FREM2: variants seen among roughly 807,000 people sequenced by gnomAD.
FREM2 encodes the protein FRAS1 related extracellular matrix 2.
A neutral mutation model predicts 219.9 loss-of-function variants in FREM2; 119 were observed. That is an observed-to-expected ratio of 0.54 (90% CI 0.47 to 0.63). The LOEUF (loss-of-function observed/expected upper bound fraction) is 0.63. Ranked by LOEUF, FREM2 falls within the 30% of genes least tolerant of loss-of-function variation. FREM2 has a pLI of 0.00. For missense variants in FREM2, 4,030 were observed against 3,993.6 expected (o/e 1.01, Z -0.25); for synonymous variants, 1,562 against 1,522.8 (o/e 1.03, Z -0.60).
chr13:38,874,318 A>G lies in FREM2; in HGVS notation c.8177-164A>G, dbSNP rs9548518. Among the ~76,000 whole-genome samples the G allele has an allele frequency of 0.32, 49,150 of 152,106 alleles. 8,754 individuals carry two copies. The highest frequency in any genetic ancestry group is 0.46 in the East Asian group (2,369 of 5,154). On this transcript the variant is annotated intron_variant, in intron 17 of 23. Transcript: ENST00000280481. ...GGCTCCCTTTTCTGCTTAGAAAAGA[A>G]AATGAAGATACTTCTGCCTCTGTTA...
rs926423660 is a variant in FREM2, at chr13:38,691,572, T to C, written c.4228T>C (p.Phe1410Leu). Residue 1410 changes from phenylalanine (F) to leucine (L), a missense_variant, in exon 1 of 24, where the codon TTT becomes CTT. This residue lies in a region of FREM2 where 3,102 missense variants were observed against 2,950.7 expected (regional missense o/e 1.05). Transcript: ENST00000280481. The part of the protein sequence containing the change: ...DGINPLIDRY[F>L]YVSIGSIDIV... ...AATAAATCCCCTCATAGATCGTTAC[T>C]TTTATGTGTCCATCGGGAGCATTGA... The C allele has an allele frequency of 1.2e-6, 2 of 1,614,172 alleles. No individual in the cohort carries two copies. Among genetic ancestry groups the C allele is most frequent in the Non-Finnish European group, 1.7e-6 (2 of 1,180,034 alleles).
At chr13:38,724,786 G>T (rs1209029095) in intron 2 of FREM2, among the ~76,000 whole-genome samples, 1 of 152,132 alleles carries the variant, frequency 6.6e-6, no homozygotes, top group African/African-American at 2.4e-5. Context: ...CAGCACACTA[G>T]CCCCCTATCA....
At chr13:38,721,484 T>C (rs1424978894) in intron 2 of FREM2, among the ~76,000 whole-genome samples, 1 of 152,040 alleles carries the variant, frequency 6.6e-6, no homozygotes, top group Non-Finnish European at 1.5e-5. Flanking sequence ...CTGCAGTCAG[T>C]GAGTGCATTT....
chr13:38,715,041 G>A (rs937475492), intron 2 of FREM2, among the ~76,000 whole-genome samples: 2 of 152,134 alleles, frequency 1.3e-5, no homozygotes, highest in South Asian at 4.2e-4. Flanking sequence ...ACAGTGAGCC[G>A]AGATCGTGCC....
At chr13:38,870,125 C>A (rs768730073) in intron 16 of FREM2, among the ~76,000 whole-genome samples, 3 of 152,084 alleles carry the variant, frequency 2.0e-5, no homozygotes, top group Non-Finnish European at 4.4e-5. Flanking sequence ...AATTATGCCT[C>A]TTTTTTACTA....
intron 2 of FREM2, among the ~76,000 whole-genome samples, chr13:38,730,458 T>C (rs960081103): frequency 6.6e-6 from 1 of 152,240 alleles, no homozygotes; most frequent in Non-Finnish European, 1.5e-5. Context: ...ACATGCTTGA[T>C]AGAGGGAGCC....
intron 2 of FREM2, among the ~76,000 whole-genome samples, chr13:38,742,284 C>T (rs1416816940): frequency 6.6e-6 from 1 of 152,128 alleles, no homozygotes; most frequent in Non-Finnish European, 1.5e-5. Flanking sequence ...AATATTGCTG[C>T]TGTATTTTGT....
intron 2 of FREM2, among the ~76,000 whole-genome samples, chr13:38,728,340 C>T (rs1593369666): frequency 6.6e-6 from 1 of 152,108 alleles, no homozygotes; most frequent in South Asian, 2.1e-4. Flanking sequence ...TTGTTGTTCT[C>T]CATTTGAGTT....
intron 2 of FREM2, among the ~76,000 whole-genome samples, chr13:38,710,142 C>T (rs1039513171): frequency 2.6e-5 from 4 of 151,934 alleles, no homozygotes; most frequent in Middle Eastern, 3.4e-3. Flanking sequence ...CGAGATTGCG[C>T]GACTGCACTC....
chr13:38,827,187 G>A (rs1411789956), intron 6 of FREM2, among the ~76,000 whole-genome samples: 1 of 152,014 alleles, frequency 6.6e-6, no homozygotes, highest in Non-Finnish European at 1.5e-5. Flanking sequence ...CATTCTAGTT[G>A]TGTGGCGTTG....
intron 6 of FREM2, among the ~76,000 whole-genome samples, chr13:38,796,196 G>T (rs1593412941): frequency 6.6e-6 from 1 of 152,102 alleles, no homozygotes; most frequent in Non-Finnish European, 1.5e-5. Context: ...AGCCATCACT[G>T]TTGGAGCTGG....
chr13:38,786,202 A>G (rs1470649555), intron 6 of FREM2, among the ~76,000 whole-genome samples: 7 of 152,078 alleles, frequency 4.6e-5, no homozygotes, highest in Admixed American at 2.6e-4. Flanking sequence ...ATCTTCCCCC[A>G]TATCCCCCAT....
At chr13:38,798,378 A>C (rs1367533142) in intron 6 of FREM2, among the ~76,000 whole-genome samples, 1 of 151,828 alleles carries the variant, frequency 6.6e-6, no homozygotes, top group African/African-American at 2.4e-5. Context: ...TGCTAGTATG[A>C]GAATTTTTGC....
At chr13:38,834,003 A>C (rs1876611272) in intron 6 of FREM2, among the ~76,000 whole-genome samples, 2 of 152,142 alleles carry the variant, frequency 1.3e-5, no homozygotes, top group Non-Finnish European at 2.9e-5. Flanking sequence ...AGCTACCAAA[A>C]AGAAATGGCA....
At chr13:38,858,184 C>A in intron 13 of FREM2, 151 bp downstream of exon 13, 1 of 703,706 alleles carries the variant, frequency 1.4e-6, no homozygotes, top group South Asian at 1.8e-5. Context: ...TAACACTAAT[C>A]AAATAAAGCT....
At chr13:38,781,312 C>T (rs1356267746) in intron 4 of FREM2, among the ~76,000 whole-genome samples, 1 of 152,186 alleles carries the variant, frequency 6.6e-6, no homozygotes, top group African/African-American at 2.4e-5. Flanking sequence ...CCAATCTCAG[C>T]TCAAATGAGA....
intron 2 of FREM2, among the ~76,000 whole-genome samples, chr13:38,703,314 A>G (rs1870412759): frequency 6.6e-6 from 1 of 152,182 alleles, no homozygotes; most frequent in Non-Finnish European, 1.5e-5. Flanking sequence ...AAAAGCAAGC[A>G]TTCTTGGCAA....
In FREM2 at chr13:38,874,751, C is replaced by T. The variant is rs987752027; in HGVS notation, c.8281+165C>T. 5.3e-5 allele frequency among the ~76,000 whole-genome samples: 8 copies of T among 152,184 alleles called. 1 individual carries two copies. Among genetic ancestry groups the T allele is most frequent in the Admixed American group, 5.2e-4 (8 of 15,284 alleles). Reference sequence around the variant, plus strand: ...TGAGAGCTTGATAATTGTTCAGCTTCACCTCATAATCCACAAAATTATCAT... The same window carrying T: ...TGAGAGCTTGATAATTGTTCAGCTTTACCTCATAATCCACAAAATTATCAT... On this transcript the variant is annotated intron_variant, in intron 18 of 23. Transcript: ENST00000280481.
At chr13:38,836,215 A>G (rs1876700515) in intron 6 of FREM2, among the ~76,000 whole-genome samples, 1 of 152,150 alleles carries the variant, frequency 6.6e-6, no homozygotes, top group East Asian at 1.9e-4. Context: ...GGTTTTTGTC[A>G]TTGGTTCTGT....
Sources: gnomAD v4.1 joint callset for allele counts (sites outside exome capture counted in the v4.1 genomes callset) on GRCh38, gnomAD v4.1.1 for gene constraint, gnomAD v4.1.1 regional missense constraint, MANE v1.5 for transcripts, NCBI Gene and HGNC (gene_info 2026-07-23, HGNC 2026-07-21) for gene names.